ATOSA: variants seen among roughly 807,000 people sequenced by gnomAD.
ATOSA encodes atos homolog protein A.
At chr15:52,599,747 T>C in the ATOSA span, among the ~76,000 whole-genome samples, 30 of 152,212 alleles carry the variant, frequency 2.0e-4, no homozygotes, top group Non-Finnish European at 4.3e-4. Context: ...GAAAACCTTT[T>C]GGTTTTGCAA....
chr15:52,640,971 G>A, the ATOSA span, among the ~76,000 whole-genome samples: 24 of 152,248 alleles, frequency 1.6e-4, no homozygotes, highest in African/African-American at 4.8e-4. Context: ...AATGAAATCA[G>A]TATGTCGAAG....
the ATOSA span, among the ~76,000 whole-genome samples, chr15:52,596,459 C>T: frequency 6.6e-6 from 1 of 152,162 alleles, no homozygotes; most frequent in Non-Finnish European, 1.5e-5. Context: ...GAACCTTGAT[C>T]GCACACCTCC....
the ATOSA span, among the ~76,000 whole-genome samples, chr15:52,583,176 C>T: frequency 6.6e-6 from 1 of 152,098 alleles, no homozygotes; most frequent in Non-Finnish European, 1.5e-5. Context: ...GTACAGTTTT[C>T]CCCAAAAAGG....
the ATOSA span, among the ~76,000 whole-genome samples, chr15:52,705,601 G>T: frequency 1.1e-3 from 174 of 152,204 alleles, no homozygotes; most frequent in African/African-American, 4.1e-3. Flanking sequence ...TGTAAATGAG[G>T]TATAACAGGT....
chr15:52,602,792 A>C, the ATOSA span, among the ~76,000 whole-genome samples: 1 of 152,200 alleles, frequency 6.6e-6, no homozygotes, highest in Admixed American at 6.5e-5. Context: ...TTTATGAAGA[A>C]TCTGGTCTCA....
chr15:52,651,113 A>G, the ATOSA span, among the ~76,000 whole-genome samples: 1 of 152,218 alleles, frequency 6.6e-6, no homozygotes, highest in Non-Finnish European at 1.5e-5. Context: ...TTGAAGTATT[A>G]ACTAAGTCAG....
At chr15:52,612,215 C>A in the ATOSA span, among the ~76,000 whole-genome samples, 10 of 152,102 alleles carry the variant, frequency 6.6e-5, no homozygotes, top group Admixed American at 5.9e-4. Context: ...AAACTCCTAA[C>A]CTCAGGTGAT....
the ATOSA span, among the ~76,000 whole-genome samples, chr15:52,654,449 C>T: frequency 3.3e-5 from 5 of 152,100 alleles, no homozygotes; most frequent in African/African-American, 9.7e-5. Context: ...AAAATGATGG[C>T]GCATTATCTA....
chr15:52,643,434 G>A, the ATOSA span, among the ~76,000 whole-genome samples: 2 of 150,618 alleles, frequency 1.3e-5, no homozygotes, highest in Non-Finnish European at 2.9e-5. Context: ...TGGGACCACA[G>A]GCATGCACCA....
the ATOSA span, among the ~76,000 whole-genome samples, chr15:52,653,463 G>C: frequency 1.3e-5 from 2 of 152,066 alleles, no homozygotes; most frequent in Non-Finnish European, 2.9e-5. Flanking sequence ...GCCAGAGGGA[G>C]AGCTGCTAAG....
the ATOSA span, among the ~76,000 whole-genome samples, chr15:52,629,177 T>A: frequency 6.6e-6 from 1 of 152,172 alleles, no homozygotes; most frequent in Non-Finnish European, 1.5e-5. Context: ...AAAAATTCAA[T>A]ATCACGTTAG....
At chr15:52,683,561 T>C in the ATOSA span, among the ~76,000 whole-genome samples, 912 of 152,338 alleles carry the variant, frequency 6.0e-3, 5 homozygotes, top group African/African-American at 0.021. Flanking sequence ...GCTCAGATAA[T>C]AGCAGCTGAA....
At chr15:52,675,191 A>C in the ATOSA span, among the ~76,000 whole-genome samples, 1 of 152,256 alleles carries the variant, frequency 6.6e-6, no homozygotes, top group Non-Finnish European at 1.5e-5. Context: ...ACTATCGTAC[A>C]GTAAAATACT....
At chr15:52,605,640 A>G in the ATOSA span, among the ~76,000 whole-genome samples, 1 of 152,164 alleles carries the variant, frequency 6.6e-6, no homozygotes, top group African/African-American at 2.4e-5. Flanking sequence ...ATATATATAT[A>G]CCAATTGGAA....
the ATOSA span, among the ~76,000 whole-genome samples, chr15:52,639,044 A>C: frequency 3.3e-5 from 5 of 151,842 alleles, no homozygotes; most frequent in Admixed American, 6.6e-5. Context: ...AAAAAAAAGA[A>C]AGTATCAAAG....
At chr15:52,676,158 A>C in the ATOSA span, among the ~76,000 whole-genome samples, 1 of 152,222 alleles carries the variant, frequency 6.6e-6, no homozygotes, top group Non-Finnish European at 1.5e-5. Flanking sequence ...TCCACATATC[A>C]TGATTACAAC....
At chr15:52,633,019 A>G in the ATOSA span, among the ~76,000 whole-genome samples, 3 of 152,344 alleles carry the variant, frequency 2.0e-5, no homozygotes, top group Middle Eastern at 3.4e-3. Flanking sequence ...AGTAAGATCT[A>G]GTAAGTCCAA....
chr15:52,622,110 G>A, the ATOSA span, among the ~76,000 whole-genome samples: 1 of 152,082 alleles, frequency 6.6e-6, no homozygotes, highest in Middle Eastern at 3.2e-3. Context: ...GCCTCCCAAA[G>A]TGCTGGATTA....
chr15:52,629,165 T>G, the ATOSA span, among the ~76,000 whole-genome samples: 1 of 152,166 alleles, frequency 6.6e-6, no homozygotes, highest in Non-Finnish European at 1.5e-5. Flanking sequence ...AAAGGTTTTT[T>G]AAAAAATTCA....
Sources: gnomAD v4.1 joint callset for allele counts (sites outside exome capture counted in the v4.1 genomes callset) on GRCh38, gnomAD v4.1.1 for gene constraint, MANE v1.5 for transcripts, NCBI Gene and HGNC (gene_info 2026-07-23, HGNC 2026-07-21) for gene names.